NBEA: variants seen among roughly 807,000 people sequenced by gnomAD.
The protein encoded by NBEA is neurobeachin.
In NBEA, 44 loss-of-function variants were observed where a neutral mutation model predicts 343.4. That is an observed-to-expected ratio of 0.13 (90% CI 0.10 to 0.16). The LOEUF is 0.16. NBEA is among the 10% of genes least tolerant of loss of function. The probability of loss-of-function intolerance (pLI) is 1.00; values close to 1 mark genes in which losing one functional copy is unlikely to be tolerated. For missense variants in NBEA, 2,555 were observed against 3,631.3 expected (o/e 0.70, Z 7.62); for synonymous variants, 1,175 against 1,238.7 (o/e 0.95, Z 1.08).
intron 40 of NBEA, among the ~76,000 whole-genome samples, chr13:35,464,320 A>G (rs1419928431): frequency 6.6e-6 from 1 of 152,182 alleles, no homozygotes; most frequent in Non-Finnish European, 1.5e-5. Flanking sequence ...ATCTCTGGCC[A>G]AACTTATTTA....
chr13:34,990,625 G>A lies in NBEA; in HGVS notation c.294+47511G>A, dbSNP rs150479435. 3.8e-3 allele frequency among the ~76,000 whole-genome samples: 564 copies of A among 147,758 alleles called. 6 individuals are homozygous for A. The highest frequency in any genetic ancestry group is 0.013 in the African/African-American group (543 of 41,186). On this transcript the variant is annotated intron_variant, in intron 1 of 58. Transcript: ENST00000379939. Reference sequence around the variant, plus strand: ...CTGGGCCTTTGATTGGAGGGGCTGCGGGAAAGCCTTCAAGGCATTTTCCCC... The same window carrying A: ...CTGGGCCTTTGATTGGAGGGGCTGCAGGAAAGCCTTCAAGGCATTTTCCCC...
chr13:35,280,768 T>C (rs1387726894), intron 34 of NBEA, among the ~76,000 whole-genome samples: 2 of 151,684 alleles, frequency 1.3e-5, no homozygotes, highest in African/African-American at 4.8e-5. Context: ...GGTTCTCTTT[T>C]TGACAGATTT....
chr13:34,964,443 A>G (rs2059756193), intron 1 of NBEA, among the ~76,000 whole-genome samples: 1 of 151,630 alleles, frequency 6.6e-6, no homozygotes, highest in Non-Finnish European at 1.5e-5. Flanking sequence ...ATAGCTCTAC[A>G]CTCTTTAGTC....
intron 25 of NBEA, 179 bp from the exon 26 acceptor site, chr13:35,171,092 TA>T: frequency 1.4e-6 from 1 of 736,770 alleles, no homozygotes; most frequent in South Asian, 1.4e-5. Flanking sequence ...AATTGATAGG[TA>T]AAGTAACCGA....
At chr13:35,291,925 T>C (rs558308396) in intron 35 of NBEA, among the ~76,000 whole-genome samples, 1 of 152,012 alleles carries the variant, frequency 6.6e-6, no homozygotes, top group Non-Finnish European at 1.5e-5. Context: ...TAAACACACC[T>C]CTCGATTTGA....
chr13:35,664,426 A>C (rs956831084), intron 55 of NBEA, among the ~76,000 whole-genome samples: 3 of 152,242 alleles, frequency 2.0e-5, no homozygotes, highest in African/African-American at 7.2e-5. Flanking sequence ...GAAAGACCGC[A>C]AACAGAACAA....
intron 39 of NBEA, among the ~76,000 whole-genome samples, chr13:35,432,854 A>G (rs1000213335): frequency 5.3e-5 from 8 of 152,034 alleles, no homozygotes; most frequent in African/African-American, 1.9e-4. Context: ...ACATATGTAT[A>G]CTGTGAGTAT....
At position 35,654,122 on chromosome 13, in the gene NBEA, T is replaced by C. The variant is rs192080944; in HGVS notation, c.8036-733T>C. On this transcript the variant is annotated intron_variant, in intron 53 of 58. Coordinates refer to ENST00000379939, the MANE Select transcript of NBEA (RefSeq NM_001385012.1). The stretch of plus-strand genomic sequence containing the variant: ...TTTATCCTGAAAGGATGGTGCGCAG[T>C]AAGGGACAGGCTGGCATGCAGACAG... Among the ~76,000 whole-genome samples the C allele has an allele frequency of 1.1e-3, 163 of 152,350 alleles. 1 individual carries two copies. The highest frequency in any genetic ancestry group is 1.5e-3 in the Non-Finnish European group (103 of 68,022).
intron 41 of NBEA, among the ~76,000 whole-genome samples, chr13:35,477,915 G>A (rs924986044): frequency 1.3e-5 from 2 of 152,094 alleles, no homozygotes; most frequent in Non-Finnish European, 2.9e-5. Context: ...TGGTCCAGTT[G>A]TGTCCTCAAA....
At chr13:35,296,706 C>A (rs2036156373) in intron 35 of NBEA, among the ~76,000 whole-genome samples, 1 of 151,864 alleles carries the variant, frequency 6.6e-6, no homozygotes. Context: ...ATAAGTTTTT[C>A]AGACAAATTA....
intron 1 of NBEA, among the ~76,000 whole-genome samples, chr13:34,985,113 T>C (rs1440925607): frequency 6.6e-6 from 1 of 151,168 alleles, no homozygotes; most frequent in African/African-American, 2.4e-5. Flanking sequence ...CCTTGTCTTG[T>C]GCCAGTTTTC....
At chr13:35,491,883 T>G (rs1202794805) in intron 41 of NBEA, among the ~76,000 whole-genome samples, 1 of 151,880 alleles carries the variant, frequency 6.6e-6, no homozygotes, top group East Asian at 1.9e-4. Flanking sequence ...AGAGTTGTAA[T>G]AAAAAGTTAG....
At chr13:35,055,540 T>G (rs546871952) in intron 6 of NBEA, among the ~76,000 whole-genome samples, 37 of 152,270 alleles carry the variant, frequency 2.4e-4, no homozygotes, top group African/African-American at 8.9e-4. Flanking sequence ...AGTAGAATCC[T>G]TGTTTATTCT....
intron 55 of NBEA, 122 bp downstream of exon 55, chr13:35,655,871 T>A: frequency 1.1e-6 from 1 of 873,608 alleles, no homozygotes; most frequent in Non-Finnish European, 1.7e-6. Flanking sequence ...AAAGCTTAAG[T>A]GGCCAAAATC....
chr13:35,562,538 T>A (rs1372381621), intron 44 of NBEA, among the ~76,000 whole-genome samples: 1 of 152,026 alleles, frequency 6.6e-6, no homozygotes. Flanking sequence ...CAGCACAACT[T>A]CTCCAACCCC....
At chr13:35,141,166 A>G (rs2068069105) in intron 17 of NBEA, among the ~76,000 whole-genome samples, 1 of 152,252 alleles carries the variant, frequency 6.6e-6, no homozygotes, top group South Asian at 2.1e-4. Flanking sequence ...TTACTTTGTC[A>G]GGCTGTGTCA....
At chr13:35,149,208 A>C (rs2068620988) in intron 18 of NBEA, among the ~76,000 whole-genome samples, 1 of 152,212 alleles carries the variant, frequency 6.6e-6, no homozygotes, top group Non-Finnish European at 1.5e-5. Context: ...GCAGAACTGA[A>C]TAAGTACTAA....
chr13:35,603,770 T>C (rs2082161786), intron 47 of NBEA, among the ~76,000 whole-genome samples: 1 of 152,144 alleles, frequency 6.6e-6, no homozygotes, highest in Admixed American at 6.6e-5. Flanking sequence ...TAAATCACAC[T>C]CCCAACCGAG....
intron 10 of NBEA, among the ~76,000 whole-genome samples, chr13:35,071,686 T>C (rs1363197764): frequency 6.6e-6 from 1 of 151,994 alleles, no homozygotes; most frequent in Non-Finnish European, 1.5e-5. Context: ...CCTTAATGGG[T>C]TATCTAATTT....
Sources: allele counts gnomAD v4.1 joint callset (sites outside exome capture counted in the v4.1 genomes callset), GRCh38; gene constraint gnomAD v4.1.1; transcripts MANE v1.5; gene names NCBI Gene and HGNC (gene_info 2026-07-23, HGNC 2026-07-21).